TGS1: variants seen among roughly 807,000 people sequenced by gnomAD.
TGS1 encodes trimethylguanosine synthase.
In TGS1, 69 loss-of-function variants were observed where a neutral mutation model predicts 92.2. The ratio of observed to expected loss-of-function variants is 0.75; its 90% CI spans 0.62 to 0.91. The LOEUF (loss-of-function observed/expected upper bound fraction) is 0.91, where lower values mean the gene tolerates loss of function less well. TGS1 is among the 40% of genes least tolerant of loss of function. The pLI is 0.00. For synonymous variants in TGS1, 345 were observed against 338.1 expected, an observed-to-expected ratio of 1.02 and a Z score of -0.22; for missense variants, 1,062 against 1,001.2, an observed-to-expected ratio of 1.06 and a Z score of -0.82.
Position 55,785,723 on chromosome 8 carries a change from C to T in TGS1, c.171C>T (p.Asp57=). Residue 57 remains aspartate, a synonymous_variant, in exon 3 of 13, where the codon GAC becomes GAT. Coordinates refer to ENST00000260129, the MANE Select transcript of TGS1 (RefSeq NM_024831.8). The part of the protein sequence containing the change: ...YIRDSGNNSG[D]QATEEEEGGY... ...GCTAATAAATGGTGTCTATAGGAGA[C>T]CAGGCGACAGAAGAAGAGGAAGGTG... The T allele has an allele frequency of 6.2e-7, 1 of 1,602,262 alleles. No homozygotes were observed. Among genetic ancestry groups the T allele is most frequent in the Non-Finnish European group, 8.5e-7 (1 of 1,175,226 alleles).
chr8:55,786,810 T>C lies in TGS1; in HGVS notation c.912T>C (p.Asn304=), dbSNP rs769535706. ...SFPSSPIMVD[N]DSSGTSDKDH... ...CATCTTCACCTATTATGGTTGATAATGATAGCTCTGGTACAAGTGATAAGG... is the reference window on the plus strand; with the variant it reads ...CATCTTCACCTATTATGGTTGATAACGATAGCTCTGGTACAAGTGATAAGG... The change falls in exon 4 of 13, where the codon AAT becomes AAC. Residue 304 remains asparagine, a synonymous_variant. Transcript: ENST00000260129. 39 of 1,614,180 alleles carry C rather than the reference T, an allele frequency of 2.4e-5. No individual in the cohort carries two copies. The highest frequency in any genetic ancestry group is 3.3e-5 in the Non-Finnish European group (39 of 1,180,012).
intron 4 of TGS1, among the ~76,000 whole-genome samples, chr8:55,788,542 G>A (rs574445058): frequency 2.8e-5 from 4 of 145,246 alleles, no homozygotes; most frequent in South Asian, 2.2e-4. Context: ...TGCAAGGTCC[G>A]CCTCCGGGGC....
chr8:55,814,277 T>A (rs1234071562), intron 12 of TGS1, among the ~76,000 whole-genome samples: 1 of 152,130 alleles, frequency 6.6e-6, no homozygotes, highest in Non-Finnish European at 1.5e-5. Flanking sequence ...CTACTGATAC[T>A]GTAATCCACT....
intron 9 of TGS1, among the ~76,000 whole-genome samples, chr8:55,803,957 C>T (rs1812291726): frequency 6.6e-6 from 1 of 152,030 alleles, no homozygotes; most frequent in Non-Finnish European, 1.5e-5. Flanking sequence ...TCATTTTGTT[C>T]AGATAATTGT....
chr8:55,816,579 G>A (rs2130246783), intron 12 of TGS1, among the ~76,000 whole-genome samples: 1 of 152,230 alleles, frequency 6.6e-6, no homozygotes, highest in African/African-American at 2.4e-5. Flanking sequence ...GTCATGGTAT[G>A]TATCTTACCA....
At chr8:55,806,396 AC>A (rs1177552254) in intron 10 of TGS1, among the ~76,000 whole-genome samples, 1 of 148,974 alleles carries the variant, frequency 6.7e-6, no homozygotes, top group Admixed American at 6.7e-5. Context: ...AAAAAAAAAA[AC>A]CTACCTTATC....
intron 7 of TGS1, among the ~76,000 whole-genome samples, chr8:55,797,471 T>TA (rs1171515967): frequency 5.9e-5 from 9 of 152,304 alleles, no homozygotes; most frequent in African/African-American, 1.9e-4. Flanking sequence ...CAAATTCTGA[T>TA]ACAGCTTTAT....
chr8:55,805,842 A>G (rs922656291), intron 10 of TGS1, among the ~76,000 whole-genome samples: 1 of 146,860 alleles, frequency 6.8e-6, no homozygotes, highest in Non-Finnish European at 1.5e-5. Context: ...AGATCATGCC[A>G]CTGCACTCCA....
Position 55,826,318 on chromosome 8 carries a change from A to G in TGS1, c.*1615A>G, listed in dbSNP as rs530374129. The stretch of plus-strand genomic sequence containing the variant: ...TAATAAAGCTAACTCATCTTCCTGA[A>G]TATACATGATTTTACATGAGAAGAG... On this transcript the variant is annotated 3_prime_UTR_variant, in exon 13 of 13. Coordinates refer to ENST00000260129, the MANE Select transcript of TGS1 (RefSeq NM_024831.8). 1.3e-5 allele frequency among the ~76,000 whole-genome samples: 2 copies of G among 152,272 alleles called. No homozygotes were observed. The highest frequency in any genetic ancestry group is 2.1e-4 in the South Asian group (1 of 4,826).
chr8:55,810,321 ATC>A lies in TGS1; in HGVS notation c.2144-558_2144-557del, dbSNP rs528031350. On this transcript the variant is annotated intron_variant, in intron 10 of 12. Coordinates refer to ENST00000260129, the MANE Select transcript of TGS1 (RefSeq NM_024831.8). Reference sequence around the variant, plus strand: ...AAAGTCCATTTGGTGAAAACATAATATCTGTTTCCTCTACCTAAAATGTCTCA... The same window carrying A: ...AAAGTCCATTTGGTGAAAACATAATATGTTTCCTCTACCTAAAATGTCTCA... Among the ~76,000 whole-genome samples, 15 of 152,372 alleles carry A rather than the reference ATC, an allele frequency of 9.8e-5. No individual in the cohort carries two copies. The South Asian group carries it at 3.1e-3, about 32-fold the overall frequency.
intron 3 of TGS1, 89 bp from the exon 4 acceptor site, chr8:55,786,149 T>C: frequency 1.2e-6 from 1 of 832,950 alleles, no homozygotes; most frequent in Non-Finnish European, 1.8e-6. Context: ...GAGTATTTTG[T>C]TTAATTTAAT....
At chr8:55,807,286 A>G (rs1194730147) in intron 10 of TGS1, among the ~76,000 whole-genome samples, 1 of 152,090 alleles carries the variant, frequency 6.6e-6, no homozygotes, top group African/African-American at 2.4e-5. Flanking sequence ...CACCTTTCAA[A>G]AAGCTTTAAA....
At chr8:55,792,580 G>A in intron 5 of TGS1, 118 bp from the exon 6 acceptor site, 1 of 632,256 alleles carries the variant, frequency 1.6e-6, no homozygotes, top group South Asian at 2.2e-5. Flanking sequence ...TGTGAACTAT[G>A]GTTGACTATG....
At chr8:55,799,258 G>A in intron 8 of TGS1, 38 bp downstream of exon 8, 1 of 1,538,722 alleles carries the variant, frequency 6.5e-7, no homozygotes, top group Non-Finnish European at 8.7e-7. Context: ...AATGGATTTA[G>A]ATAAAATTTT....
At chr8:55,793,088 A>G (rs1811929298) in intron 6 of TGS1, among the ~76,000 whole-genome samples, 1 of 152,232 alleles carries the variant, frequency 6.6e-6, no homozygotes, top group South Asian at 2.1e-4. Context: ...ACTTCTAAGC[A>G]TGGTTCTCTT....
intron 10 of TGS1, among the ~76,000 whole-genome samples, chr8:55,806,356 CAAAAAA>C (rs1047234489): frequency 5.1e-5 from 2 of 39,006 alleles, no homozygotes; most frequent in South Asian, 9.7e-4. Context: ...GACTCCACCT[CAAAAAA>C]AAAAAAAAAA....
intron 8 of TGS1, 95 bp downstream of exon 8, chr8:55,799,315 A>G: frequency 8.5e-7 from 1 of 1,175,278 alleles, no homozygotes. Context: ...AATCTTCTGT[A>G]CCTAAGGAGT....
rs1472859549 is a variant in TGS1, at chr8:55,815,695, T to C, written c.2439+2577T>C. Among the ~76,000 whole-genome samples, 5 of 152,298 alleles carry C rather than the reference T, an allele frequency of 3.3e-5. No individual in the cohort carries two copies. In the East Asian group the frequency reaches 9.6e-4, roughly 29 times the overall value. On this transcript the variant is annotated intron_variant, in intron 12 of 12. Transcript: ENST00000260129. Reference sequence around the variant, plus strand: ...ATACAACTTATCTCAAATATTTCCATGTAAGAGGTGATGCTAATTGTTTCC... The same window carrying C: ...ATACAACTTATCTCAAATATTTCCACGTAAGAGGTGATGCTAATTGTTTCC...
At chr8:55,776,119 CCGAG>C (rs1811389275) in intron 1 of TGS1, among the ~76,000 whole-genome samples, 2 of 151,962 alleles carry the variant, frequency 1.3e-5, no homozygotes, top group African/African-American at 2.4e-5. Context: ...GCCGAGCAAC[CCGAG>C]CGAGCAATTC....
Sources: gnomAD v4.1 joint callset for allele counts (sites outside exome capture counted in the v4.1 genomes callset) on GRCh38, gnomAD v4.1.1 for gene constraint, MANE v1.5 for transcripts, NCBI Gene and HGNC (gene_info 2026-07-23, HGNC 2026-07-21) for gene names.